PCDHGA1: variants seen among roughly 807,000 people sequenced by gnomAD.
PCDHGA1 encodes the protein protocadherin gamma subfamily A, 1.
PCDHGA1 carries 32 observed loss-of-function variants against 58.0 expected under a neutral mutation model. That is an observed-to-expected ratio of 0.55 (90% CI 0.42 to 0.74). The LOEUF is 0.74. Among genes scored for constraint, PCDHGA1 ranks in the 30% least tolerant of loss-of-function variants. The pLI is 0.00. For synonymous variants in PCDHGA1, 498 were observed against 501.1 expected (o/e 0.99, Z 0.08); for missense variants, 1,205 against 1,182.3 (o/e 1.02, Z -0.28).
Position 141,413,494 on chromosome 5 carries a change from G to T in PCDHGA1, c.2421+80389G>T, listed in dbSNP as rs778441176. On this transcript the variant is annotated intron_variant, in intron 1 of 3. Transcript: ENST00000517417. ...GCTCTGCGCTCAGAGCGCGCGGTGCGTGGTGAGTTTTAATATCCTTGTGGA... is the reference window on the plus strand; with the variant it reads ...GCTCTGCGCTCAGAGCGCGCGGTGCTTGGTGAGTTTTAATATCCTTGTGGA... The T allele has an allele frequency of 5.0e-6, 8 of 1,614,042 alleles. No individual in the cohort carries two copies. The East Asian group carries it at 1.3e-4, about 27-fold the overall frequency.
intron 1 of PCDHGA1, among the ~76,000 whole-genome samples, chr5:141,467,332 C>T (rs985838492): frequency 6.6e-6 from 1 of 152,124 alleles, no homozygotes; most frequent in Non-Finnish European, 1.5e-5. Context: ...GGATTAGAGA[C>T]GTAAGCCACT....
intron 1 of PCDHGA1, chr5:141,388,986 A>G (rs756279125): frequency 2.5e-6 from 4 of 1,613,952 alleles, no homozygotes; most frequent in Non-Finnish European, 3.4e-6. Flanking sequence ...TGCTTTGCTC[A>G]AAGTCCGTGA....
intron 1 of PCDHGA1, among the ~76,000 whole-genome samples, chr5:141,445,620 C>T (rs561235315): frequency 2.0e-5 from 3 of 151,966 alleles, no homozygotes; most frequent in African/African-American, 4.8e-5. Context: ...TTCTTTTTTT[C>T]GGAAAGTGAT....
rs758578821 is a variant in PCDHGA1 at position 141,486,659 on chromosome 5, G to C, written c.2422-8148G>C. The C allele has an allele frequency of 6.8e-6, 11 of 1,613,944 alleles. No individual in the cohort carries two copies. The highest frequency in any genetic ancestry group is 8.5e-6 in the Non-Finnish European group (10 of 1,180,026). On this transcript the variant is annotated intron_variant, in intron 1 of 3. Coordinates refer to ENST00000517417, the MANE Select transcript of PCDHGA1 (RefSeq NM_018912.3). The surrounding 1 kb of genome is among the most constrained non-coding windows in gnomAD (Gnocchi z 5.0). ...TGCGCTTATCTCCTACTCACTCCTGGAGCCCAGGAATCGAGATGTATCAGC... is the reference window on the plus strand; with the variant it reads ...TGCGCTTATCTCCTACTCACTCCTGCAGCCCAGGAATCGAGATGTATCAGC...
chr5:141,414,463 G>T, intron 1 of PCDHGA1: 1 of 1,613,932 alleles, frequency 6.2e-7, no homozygotes. Flanking sequence ...GACAGCCACA[G>T]ATGGGGGAAG....
chr5:141,353,956 G>A (rs1469286537), intron 1 of PCDHGA1, among the ~76,000 whole-genome samples: 1 of 152,184 alleles, frequency 6.6e-6, no homozygotes, highest in African/African-American at 2.4e-5. Context: ...TGAGGAATAA[G>A]CTTAAGAACT....
intron 1 of PCDHGA1, among the ~76,000 whole-genome samples, chr5:141,406,174 G>T (rs990967391): frequency 6.6e-6 from 1 of 151,264 alleles, no homozygotes; most frequent in African/African-American, 2.4e-5. Context: ...CTGGGCTTAT[G>T]CAATCCTCCC....
intron 1 of PCDHGA1, chr5:141,340,619 C>T: frequency 6.2e-7 from 1 of 1,614,216 alleles, no homozygotes; most frequent in Non-Finnish European, 8.5e-7. Context: ...ATCATTAAGC[C>T]TGTTCGTGCT....
At position 141,332,290 on chromosome 5, in the gene PCDHGA1, G is replaced by T. The variant is rs1418168667; in HGVS notation, c.1606G>T (p.Asp536Tyr). Residue 536 changes from aspartate to tyrosine, a missense_variant, in exon 1 of 4, where the codon GAC becomes TAC. By Grantham distance (160) the Asp-to-Tyr change is radical. Coordinates refer to ENST00000517417, the MANE Select transcript of PCDHGA1 (RefSeq NM_018912.3). The surrounding 1 kb of genome is among the most constrained non-coding windows in gnomAD (Gnocchi z 4.6). Reference sequence around the variant, plus strand: ...CATGCAACTGAAAGTGATGGCGCGGGACAGTGGGGATCCGCCCCTCAGCAG... The same window carrying T: ...CATGCAACTGAAAGTGATGGCGCGGTACAGTGGGGATCCGCCCCTCAGCAG... The part of the protein sequence containing the change: ...RDMQLKVMAR[D>Y]SGDPPLSSNV... 2.5e-6 allele frequency: 4 copies of T among 1,614,100 alleles called. No homozygotes were observed. In the African/African-American group the frequency reaches 5.3e-5, roughly 22 times the overall value.
rs1052219950 is a variant in PCDHGA1, at chr5:141,476,865, G to A, written c.2422-17942G>A. The A allele has an allele frequency of 1.2e-6, 2 of 1,613,752 alleles. No individual in the cohort carries two copies. Among genetic ancestry groups the A allele is most frequent in the African/African-American group, 1.3e-5 (1 of 74,958 alleles). On this transcript the variant is annotated intron_variant, in intron 1 of 3. Coordinates refer to ENST00000517417, the MANE Select transcript of PCDHGA1 (RefSeq NM_018912.3). This position sits in a 1 kb window ranked among gnomAD's most constrained non-coding sequence, Gnocchi z 7.6. ...CCTGTCTTCAACCAGTCCTTGTACC[G>A]GGCGCGCGTCCTGGAGGATGCACCC...
intron 1 of PCDHGA1, chr5:141,415,388 G>C (rs752789407): frequency 6.2e-7 from 1 of 1,614,236 alleles, no homozygotes; most frequent in East Asian, 2.2e-5. Flanking sequence ...GGCTTGACAG[G>C]TGTGTCCGGC....
intron 1 of PCDHGA1, chr5:141,424,024 C>T: frequency 9.6e-7 from 1 of 1,045,488 alleles, no homozygotes; most frequent in Non-Finnish European, 1.2e-6. Flanking sequence ...GATTCACAAA[C>T]ACTTTTTATT....
In PCDHGA1 at chr5:141,400,695, G is replaced by A. The variant is rs187552551; in HGVS notation, c.2421+67590G>A. On this transcript the variant is annotated intron_variant, in intron 1 of 3. Transcript: ENST00000517417. The stretch of plus-strand genomic sequence containing the variant: ...GCAGTAAATTGTGAGTTTTTATGTC[G>A]CATAAAAGAAGTAGCCTTATAGATT... 1.8e-5 allele frequency: 14 copies of A among 759,510 alleles called. No homozygotes were observed. The Admixed American group carries it at 4.0e-4, about 22-fold the overall frequency. The allele number at this position is 759,510 out of a possible 1,614,324, so 47.0% of individuals were successfully genotyped here.
At chr5:141,357,307 G>T in intron 1 of PCDHGA1, 4 of 1,614,042 alleles carry the variant, frequency 2.5e-6, no homozygotes, top group Non-Finnish European at 3.4e-6. Flanking sequence ...TGTCTCCTGC[G>T]TCTTCCTGGC....
chr5:141,400,133 C>T, intron 1 of PCDHGA1: 1 of 1,614,066 alleles, frequency 6.2e-7, no homozygotes, highest in Non-Finnish European at 8.5e-7. Context: ...GAGGTGCTGC[C>T]GGATATCACT....
chr5:141,332,882 C>T lies in PCDHGA1; in HGVS notation c.2198C>T (p.Ala733Val), dbSNP rs780532762. ...RLLQASGGGLASMPGSHFVGV... is the reference protein window; with the variant it reads ...RLLQASGGGLVSMPGSHFVGV... ...CTACAGGCTTCGGGAGGCGGCTTAGCGAGCATGCCCGGTTCGCACTTTGTG... is the reference window on the plus strand; with the variant it reads ...CTACAGGCTTCGGGAGGCGGCTTAGTGAGCATGCCCGGTTCGCACTTTGTG... The change falls in exon 1 of 4, where the codon GCG becomes GTG. Residue 733 changes from alanine (A) to valine (V), a missense_variant. Ala to Val is a moderately conservative substitution (Grantham distance 64). Coordinates refer to ENST00000517417, the MANE Select transcript of PCDHGA1 (RefSeq NM_018912.3). The surrounding 1 kb of genome is among the most constrained non-coding windows in gnomAD (Gnocchi z 4.6). 5.8e-5 allele frequency: 93 copies of T among 1,614,114 alleles called. No homozygotes were observed. The highest frequency in any genetic ancestry group is 6.4e-5 in the Non-Finnish European group (75 of 1,180,038).
chr5:141,403,068 C>T, intron 1 of PCDHGA1: 1 of 1,614,064 alleles, frequency 6.2e-7, no homozygotes, highest in South Asian at 1.1e-5. Flanking sequence ...CCTGAAGAGA[C>T]AGAAAAGGGC....
In PCDHGA1 at chr5:141,511,351, C is replaced by A. The variant is rs1190324197; in HGVS notation, c.*178C>A. 11 of 1,386,432 alleles carry A rather than the reference C, an allele frequency of 7.9e-6. No individual in the cohort carries two copies. Among genetic ancestry groups the A allele is most frequent in the South Asian group, 4.5e-5 (3 of 67,158 alleles). The allele number at this position is 1,386,432 out of a possible 1,614,324, so 85.9% of individuals were successfully genotyped here. On this transcript the variant is annotated 3_prime_UTR_variant, in exon 4 of 4. Transcript: ENST00000517417. ...CCAGTCAGCACCTACCCCTTCCCCC[C>A]CAGGGGGTTGAATATGCAAAAGCAG...
intron 1 of PCDHGA1, chr5:141,344,334 CTG>C (rs1757404707): frequency 4.3e-6 from 7 of 1,613,950 alleles, no homozygotes; most frequent in Non-Finnish European, 5.9e-6. Context: ...TCAGATCCCG[CTG>C]TGTCTGGTAA....
Sources: gnomAD v4.1 joint callset for allele counts (sites outside exome capture counted in the v4.1 genomes callset) on GRCh38, gnomAD v4.1.1 for gene constraint, Gnocchi (gnomAD v3.1) non-coding constraint, MANE v1.5 for transcripts, NCBI Gene and HGNC (gene_info 2026-07-23, HGNC 2026-07-21) for gene names.